The following LRRC37A variants were observed in gnomAD, a reference collection of about 807,000 sequenced individuals.
The protein encoded by LRRC37A is leucine-rich repeat-containing protein 37A.
LRRC37A carries 3 observed loss-of-function variants against 35.4 expected under a neutral mutation model. The observed-to-expected ratio is 0.08, with a 90% confidence interval of 0.04 to 0.22. The LOEUF (loss-of-function observed/expected upper bound fraction) is 0.22, where lower values mean the gene tolerates loss of function less well. LRRC37A is among the 10% of genes least tolerant of loss of function. The pLI is 1.00. For synonymous variants in LRRC37A, 23 were observed against 215.0 expected (o/e 0.11, Z 7.81); for missense variants, 67 against 565.3 (o/e 0.12, Z 8.94).
chr17:46,261,600 A>C, the LRRC37A span, among the ~76,000 whole-genome samples: 22,065 of 151,860 alleles, frequency 0.15, 2,157 homozygotes, highest in Non-Finnish European at 0.22. Context: ...TTTAATAGAG[A>C]TGGGGTTTCT....
At chr17:46,264,526 T>C in the LRRC37A span, among the ~76,000 whole-genome samples, 4 of 152,258 alleles carry the variant, frequency 2.6e-5, no homozygotes, top group Non-Finnish European at 2.9e-5. Flanking sequence ...CTTGGCTTCC[T>C]GTGTGGCTTG....
At chr17:46,253,138 A>C in the LRRC37A span, among the ~76,000 whole-genome samples, 1 of 140,436 alleles carries the variant, frequency 7.1e-6, no homozygotes, top group Non-Finnish European at 1.6e-5. Context: ...GACGCTCCTC[A>C]CCTCCCAGAT....
the LRRC37A span, among the ~76,000 whole-genome samples, chr17:46,280,247 C>A: frequency 3.3e-5 from 5 of 152,292 alleles, no homozygotes; most frequent in Non-Finnish European, 5.9e-5. Flanking sequence ...GCCTGTAATC[C>A]CAGCTACTTG....
chr17:46,285,147 G>C, the LRRC37A span, among the ~76,000 whole-genome samples: 1 of 152,142 alleles, frequency 6.6e-6, no homozygotes, highest in African/African-American at 2.4e-5. Context: ...GGGATTATAG[G>C]TGTGAGCAAC....
the LRRC37A span, chr17:46,268,749 AGGTCTATCTTCATGTAATG>A: frequency 1.6e-6 from 2 of 1,257,002 alleles, no homozygotes; most frequent in Middle Eastern, 2.3e-4. Context: ...AAGACATGAA[AGGTCTATCTTCATGTAATG>A]GGTCCTCCTT....
the LRRC37A span, among the ~76,000 whole-genome samples, chr17:46,269,262 G>A: frequency 2.2e-4 from 33 of 152,340 alleles, no homozygotes; most frequent in African/African-American, 7.2e-4. Context: ...AGCCGGGCGC[G>A]GTGGCTCACA....
At chr17:46,292,263 C>T (rs1216863759), upstream of LRRC37A, among the ~76,000 whole-genome samples, 13 of 73,154 alleles carry the variant, frequency 1.8e-4, 5 homozygotes, top group East Asian at 7.9e-4. Flanking sequence ...ACCCAGGAGG[C>T]GGAGGTTGCA....
At chr17:46,291,985 A>AAAAAAAAAAAAAAAAAAAAAAAAAAAAC (rs1360524355), upstream of LRRC37A, among the ~76,000 whole-genome samples, 1 of 76,668 alleles carries the variant, frequency 1.3e-5, no homozygotes, top group African/African-American at 4.4e-5. Context: ...AAAAAAAAAA[A>AAAAAAAAAAAAAAAAAAAAAAAAAAAAC]AAGCCAATAA....
chr17:46,265,989 T>C, the LRRC37A span, among the ~76,000 whole-genome samples: 2 of 152,134 alleles, frequency 1.3e-5, no homozygotes, highest in Non-Finnish European at 2.9e-5. Flanking sequence ...CCCAGCTACT[T>C]GGGAGGCTGA....
At chr17:46,267,321 A>G in the LRRC37A span, 2 of 1,435,854 alleles carry the variant, frequency 1.4e-6, no homozygotes, top group East Asian at 2.6e-5. Context: ...TTTTGGAAGC[A>G]GCGATGAACG....
the LRRC37A span, among the ~76,000 whole-genome samples, chr17:46,276,796 T>C: frequency 5.9e-5 from 9 of 151,402 alleles, no homozygotes; most frequent in Admixed American, 3.3e-4. Flanking sequence ...TTTTCTTTTT[T>C]TTTTTTTTTT....
chr17:46,264,495 T>C, the LRRC37A span, among the ~76,000 whole-genome samples: 1 of 152,236 alleles, frequency 6.6e-6, no homozygotes, highest in Non-Finnish European at 1.5e-5. Flanking sequence ...TGGTTTATAT[T>C]ACCAAGCAAC....
At chr17:46,279,638 T>C in the LRRC37A span, among the ~76,000 whole-genome samples, 1 of 151,678 alleles carries the variant, frequency 6.6e-6, no homozygotes, top group Non-Finnish European at 1.5e-5. Flanking sequence ...GCTGGGATCA[T>C]GGGTGCACAT....
chr17:46,311,435 T>C (rs62066503), intron 5 of LRRC37A, among the ~76,000 whole-genome samples: 7,153 of 62,006 alleles, frequency 0.12, 529 homozygotes, highest in South Asian at 0.23. Context: ...ATTTTGGAGT[T>C]TGTCATTTAA....
chr17:46,334,836 G>A (rs1424122238), intron 10 of LRRC37A: 2 of 135,572 alleles, frequency 1.5e-5, no homozygotes, highest in Admixed American at 1.5e-4. Flanking sequence ...AACTAGATCA[G>A]GCTGAATATT....
chr17:46,326,885 A>G (rs1322090153), intron 7 of LRRC37A, among the ~76,000 whole-genome samples: 3 of 60,006 alleles, frequency 5.0e-5, no homozygotes, highest in Non-Finnish European at 8.1e-5. Context: ...AGTGCCCCCA[A>G]TAAGCCACAA....
chr17:46,266,422 C>T, the LRRC37A span, among the ~76,000 whole-genome samples: 1 of 152,206 alleles, frequency 6.6e-6, no homozygotes, highest in Non-Finnish European at 1.5e-5. Context: ...AGGCCATGTG[C>T]TCGTCCCCCT....
At chr17:46,319,261 T>TGG (rs2051280414) in intron 5 of LRRC37A, among the ~76,000 whole-genome samples, 1 of 46,814 alleles carries the variant, frequency 2.1e-5, no homozygotes, top group East Asian at 3.5e-4. Context: ...CTATTTTTTT[T>TGG]GGTATTTGTT....
Position 46,316,598 on chromosome 17 carries a change from GT to G in LRRC37A, c.2907-5716del, listed in dbSNP as rs1206504241. On this transcript the variant is annotated intron_variant, in intron 5 of 13. Coordinates refer to ENST00000320254, the Ensembl canonical transcript of LRRC37A. ...CTACAGGCATGCACCACCATGCCCA[GT>G]TTTTTTTGTTTTTGTTTTTTTTAAT... Among the ~76,000 whole-genome samples the G allele has an allele frequency of 8.4e-5, 6 of 71,174 alleles. 1 individual carries two copies. The highest frequency in any genetic ancestry group is 1.5e-4 in the Admixed American group (1 of 6,696). The allele number at this position is 71,174 out of a possible 152,430, so 46.7% of individuals were successfully genotyped here.
Sources: gnomAD v4.1 joint callset for allele counts (sites outside exome capture counted in the v4.1 genomes callset) on GRCh38, gnomAD v4.1.1 for gene constraint, MANE v1.5 for transcripts, NCBI Gene and HGNC (gene_info 2026-07-23, HGNC 2026-07-21) for gene names.